Variants in GRIP1 observed in about 807,000 individuals in gnomAD.
GRIP1 encodes the protein glutamate receptor interacting protein 1.
Under a neutral mutation model 129.9 loss-of-function variants are expected in GRIP1, and 45 were observed. The ratio of observed to expected loss-of-function variants is 0.35; its 90% CI spans 0.27 to 0.44. The LOEUF is 0.44. GRIP1 is among the 20% of genes least tolerant of loss of function. The probability of loss-of-function intolerance (pLI) is 1.00; values close to 1 mark genes in which losing one functional copy is unlikely to be tolerated. For missense variants in GRIP1, 1,196 were observed against 1,396.8 expected (o/e 0.86, Z 2.29); for synonymous variants, 530 against 520.8 (o/e 1.02, Z -0.24).
intron 19 of GRIP1, among the ~76,000 whole-genome samples, chr12:66,381,278 TG>T (rs1483831237): frequency 1.3e-5 from 2 of 152,194 alleles, no homozygotes; most frequent in East Asian, 1.9e-4. Context: ...TGCAAAAGTG[TG>T]GTTAGCCATC....
At chr12:66,432,760 G>A in intron 13 of GRIP1, 132 bp from the exon 14 acceptor site, 1 of 652,090 alleles carries the variant, frequency 1.5e-6, no homozygotes, top group Non-Finnish European at 2.7e-6. Context: ...GTAAGATGAA[G>A]GCCTTTAAAA....
At chr12:66,683,023 C>T (rs1287837108), upstream of GRIP1, among the ~76,000 whole-genome samples, 1 of 152,010 alleles carries the variant, frequency 6.6e-6, no homozygotes, top group Admixed American at 6.6e-5. Flanking sequence ...CCTGACTTGG[C>T]TAGTATTGAA....
At chr12:67,031,431 C>G (rs1348475183) in intron 1 of GRIP1, among the ~76,000 whole-genome samples, 2 of 152,200 alleles carry the variant, frequency 1.3e-5, no homozygotes, top group African/African-American at 4.8e-5. Context: ...CCTGGCCTTC[C>G]TCACTAGACA....
intron 1 of GRIP1, among the ~76,000 whole-genome samples, chr12:66,887,953 C>CA (rs1164943350): frequency 6.6e-6 from 1 of 152,214 alleles, no homozygotes; most frequent in Non-Finnish European, 1.5e-5. Context: ...ATCTAGGCTT[C>CA]AAAAAGCTTT....
chr12:66,843,494 A>G (rs2039757516), intron 1 of GRIP1, among the ~76,000 whole-genome samples: 1 of 152,130 alleles, frequency 6.6e-6, no homozygotes, highest in Non-Finnish European at 1.5e-5. Flanking sequence ...TAGGGATTGC[A>G]TTAAATACAA....
intron 1 of GRIP1, among the ~76,000 whole-genome samples, chr12:67,001,570 C>T (rs554549647): frequency 6.6e-6 from 1 of 152,142 alleles, no homozygotes; most frequent in African/African-American, 2.4e-5. Context: ...ACATAATAAT[C>T]AGGATACTAC....
intron 1 of GRIP1, among the ~76,000 whole-genome samples, chr12:66,719,917 T>C (rs546004531): frequency 3.0e-4 from 46 of 152,300 alleles, no homozygotes; most frequent in Admixed American, 2.5e-3. Flanking sequence ...ATATAAAGTA[T>C]TCTGCCCAAT....
chr12:66,449,419 T>G (rs2058714273), intron 11 of GRIP1, among the ~76,000 whole-genome samples: 1 of 145,620 alleles, frequency 6.9e-6, no homozygotes, highest in Admixed American at 6.8e-5. Context: ...GAGGGTGAAG[T>G]AGATCATTTG....
At chr12:66,973,571 C>T (rs2042107398) in intron 1 of GRIP1, among the ~76,000 whole-genome samples, 1 of 152,024 alleles carries the variant, frequency 6.6e-6, no homozygotes, top group South Asian at 2.1e-4. Context: ...AATCTGACCT[C>T]TATTGGCTTA....
intron 5 of GRIP1, among the ~76,000 whole-genome samples, chr12:66,525,123 C>A (rs962196034): frequency 6.6e-6 from 1 of 152,204 alleles, no homozygotes; most frequent in African/African-American, 2.4e-5. Context: ...TGGTGCCATT[C>A]CTTCTGAAAT....
chr12:66,613,629 C>T (rs567475364), intron 1 of GRIP1, among the ~76,000 whole-genome samples: 1 of 152,240 alleles, frequency 6.6e-6, no homozygotes, highest in African/African-American at 2.4e-5. Flanking sequence ...TTTCCGATTT[C>T]TGTCTTTAAA....
At chr12:66,350,874 A>G (rs906659271) in intron 24 of GRIP1, among the ~76,000 whole-genome samples, 3 of 152,188 alleles carry the variant, frequency 2.0e-5, no homozygotes, top group Non-Finnish European at 4.4e-5. Flanking sequence ...TGCTTAAGAA[A>G]CTAATATGCC....
intron 1 of GRIP1, among the ~76,000 whole-genome samples, chr12:67,036,140 G>C (rs1295477732): frequency 3.3e-5 from 5 of 152,132 alleles, no homozygotes; most frequent in South Asian, 4.2e-4. Flanking sequence ...GCTTGGGTTG[G>C]GTAGGTGATA....
chr12:66,846,432 CTGT>C (rs1326692187), intron 1 of GRIP1, among the ~76,000 whole-genome samples: 1 of 152,176 alleles, frequency 6.6e-6, no homozygotes, highest in Non-Finnish European at 1.5e-5. Flanking sequence ...TCATGGAATT[CTGT>C]TGATTTTATC....
chr12:66,451,776 T>A (rs772883478), intron 11 of GRIP1, among the ~76,000 whole-genome samples: 12 of 152,180 alleles, frequency 7.9e-5, no homozygotes, highest in Non-Finnish European at 1.6e-4. Context: ...ATGTGTATCA[T>A]GTGATCTGGT....
chr12:66,478,433 C>G (rs1457937948), intron 7 of GRIP1, among the ~76,000 whole-genome samples: 4 of 152,096 alleles, frequency 2.6e-5, no homozygotes, highest in Non-Finnish European at 5.9e-5. Flanking sequence ...GTTGGTGGGA[C>G]TGTAAACTAG....
chr12:66,711,449 C>T (rs1337724921), intron 1 of GRIP1, among the ~76,000 whole-genome samples: 1 of 151,736 alleles, frequency 6.6e-6, no homozygotes, highest in Non-Finnish European at 1.5e-5. Context: ...TTTTATCTCA[C>T]CATAGATCAC....
At chr12:67,028,704 T>C (rs1460278618) in intron 1 of GRIP1, among the ~76,000 whole-genome samples, 1 of 152,148 alleles carries the variant, frequency 6.6e-6, no homozygotes, top group Non-Finnish European at 1.5e-5. Context: ...TAAGAAGTAA[T>C]AGATCTCAAA....
intron 1 of GRIP1, among the ~76,000 whole-genome samples, chr12:66,600,933 C>T (rs1417264709): frequency 6.6e-6 from 1 of 152,210 alleles, no homozygotes; most frequent in East Asian, 1.9e-4. Context: ...CTAACGACAT[C>T]TTAGCAGCTA....
Sources: gnomAD v4.1 joint callset for allele counts (sites outside exome capture counted in the v4.1 genomes callset) on GRCh38, gnomAD v4.1.1 for gene constraint, MANE v1.5 for transcripts, NCBI Gene and HGNC (gene_info 2026-07-23, HGNC 2026-07-21) for gene names.